The following PIP5K1C variants were observed in gnomAD, a reference collection of about 807,000 sequenced individuals.
The protein encoded by PIP5K1C is phosphatidylinositol 4-phosphate 5-kinase type-1 gamma.
A neutral mutation model predicts 80.1 loss-of-function variants in PIP5K1C; 45 were observed. That is an observed-to-expected ratio of 0.56 (90% CI 0.44 to 0.72). The LOEUF is 0.72. Among genes scored for constraint, PIP5K1C ranks in the 30% least tolerant of loss-of-function variants. PIP5K1C has a pLI of 0.00. For missense variants in PIP5K1C, 753 were observed against 954.6 expected (o/e 0.79, Z 2.78); for synonymous variants, 498 against 420.1 (o/e 1.19, Z -2.27).
intron 13 of PIP5K1C, 67 bp downstream of exon 13, chr19:3,643,176 C>A: frequency 6.2e-7 from 1 of 1,603,980 alleles, no homozygotes; most frequent in Non-Finnish European, 8.5e-7. Flanking sequence ...CGCCCACATG[C>A]AGTGAATGCC....
At chr19:3,641,862 T>G in intron 14 of PIP5K1C, 53 bp from the exon 15 acceptor site, 9 of 1,444,594 alleles carry the variant, frequency 6.2e-6, no homozygotes, top group Non-Finnish European at 8.6e-6. Context: ...TCCCCCATCC[T>G]ACCCCCAGGA....
At chr19:3,677,514 C>T (rs535553942) in intron 1 of PIP5K1C, among the ~76,000 whole-genome samples, 235 of 150,508 alleles carry the variant, frequency 1.6e-3, no homozygotes, top group Non-Finnish European at 2.7e-3. Flanking sequence ...ACCTGGGAGG[C>T]GGAGGTTGCA....
At chr19:3,636,138 C>G (rs1186484576) in intron 16 of PIP5K1C, among the ~76,000 whole-genome samples, 1 of 152,040 alleles carries the variant, frequency 6.6e-6, no homozygotes, top group Non-Finnish European at 1.5e-5. Flanking sequence ...GCCTGGGCGA[C>G]AGAGCAAGAC....
At chr19:3,685,519 A>G (rs1460863313) in intron 1 of PIP5K1C, among the ~76,000 whole-genome samples, 5 of 152,086 alleles carry the variant, frequency 3.3e-5, no homozygotes, top group Non-Finnish European at 7.4e-5. Flanking sequence ...TCACGAGGTC[A>G]GGAGATCGAG....
Position 3,642,889 on chromosome 19 carries a change from A to T in PIP5K1C, c.1682+18T>A, listed in dbSNP as rs1189662481. 1.2e-6 allele frequency: 2 copies of T among 1,609,004 alleles called. No homozygotes were observed. The highest frequency in any genetic ancestry group is 1.7e-6 in the Non-Finnish European group (2 of 1,176,124). ...AGGAGCTGGTGAGACCCAGGGAAGG[A>T]AGGGGGTTGGGTCTCACCTGCCATC... is the stretch of plus-strand genomic sequence containing the variant. On this transcript the variant is annotated intron_variant, in intron 14 of 17. Coordinates refer to ENST00000335312, the MANE Select transcript of PIP5K1C (RefSeq NM_012398.3).
intron 16 of PIP5K1C, among the ~76,000 whole-genome samples, chr19:3,635,285 G>A (rs921040124): frequency 1.3e-5 from 2 of 152,250 alleles, no homozygotes; most frequent in Non-Finnish European, 2.9e-5. Flanking sequence ...AGGAGCTCAC[G>A]CCTGTCATCC....
intron 7 of PIP5K1C, 99 bp from the exon 8 acceptor site, chr19:3,652,130 G>T (rs2034475184): frequency 1.8e-6 from 2 of 1,118,384 alleles, no homozygotes; most frequent in Non-Finnish European, 2.7e-6. Context: ...ATGGCCCCGT[G>T]GGCTCGGGTG....
intron 1 of PIP5K1C, among the ~76,000 whole-genome samples, chr19:3,680,198 T>TCATC (rs374893774): frequency 2.0e-4 from 31 of 152,250 alleles, no homozygotes; most frequent in South Asian, 8.3e-4. Flanking sequence ...GTTCATCCGT[T>TCATC]CATCCATCCA....
Position 3,643,251 on chromosome 19 carries a change from C to G in PIP5K1C, c.1641G>C (p.Pro547=). The G allele has an allele frequency of 6.2e-7, 1 of 1,613,508 alleles. No individual in the cohort carries two copies. Among genetic ancestry groups the G allele is most frequent in the Admixed American group, 1.7e-5 (1 of 60,026 alleles). Residue 547 remains proline (P), a synonymous_variant, in exon 13 of 18, where the codon CCG becomes CCC. Coordinates refer to ENST00000335312, the MANE Select transcript of PIP5K1C (RefSeq NM_012398.3). ...ERSPSETSEQ[P]RYRRRTQSSG... ...GCGGATGCCTCGCCCACCTGTACCGCGGCTGCTCCGACGTCTCCGAGGGGG... is the reference window on the plus strand; with the variant it reads ...GCGGATGCCTCGCCCACCTGTACCGGGGCTGCTCCGACGTCTCCGAGGGGG...
chr19:3,689,231 A>G (rs1226393992), intron 1 of PIP5K1C, among the ~76,000 whole-genome samples: 3 of 152,142 alleles, frequency 2.0e-5, no homozygotes, highest in African/African-American at 7.2e-5. Context: ...ACATACAACA[A>G]GGTCACGTAT....
intron 1 of PIP5K1C, among the ~76,000 whole-genome samples, chr19:3,673,380 A>G (rs924488146): frequency 2.6e-5 from 4 of 152,042 alleles, no homozygotes; most frequent in African/African-American, 9.7e-5. Flanking sequence ...CACCTGATAC[A>G]TGGCTGTTGT....
At chr19:3,656,371 A>T (rs1015914996) in intron 6 of PIP5K1C, 34 bp downstream of exon 6, 3 of 1,611,728 alleles carry the variant, frequency 1.9e-6, no homozygotes, top group Non-Finnish European at 2.5e-6. Context: ...GGGTTGACCG[A>T]GGAGCCATCT....
chr19:3,667,233 C>T (rs1393368212), intron 2 of PIP5K1C, 89 bp downstream of exon 2: 18 of 1,185,446 alleles, frequency 1.5e-5, no homozygotes, highest in Non-Finnish European at 1.7e-5. Flanking sequence ...GTGTAGTGAG[C>T]TGCCCCAGGC....
intron 1 of PIP5K1C, among the ~76,000 whole-genome samples, chr19:3,684,159 C>T (rs946444436): frequency 2.0e-5 from 3 of 152,160 alleles, no homozygotes; most frequent in Admixed American, 1.3e-4. Context: ...AAAATAAAGA[C>T]GGAACGATAA....
chr19:3,661,479 C>T (rs1600005422), intron 4 of PIP5K1C, among the ~76,000 whole-genome samples: 1 of 152,152 alleles, frequency 6.6e-6, no homozygotes, highest in Admixed American at 6.5e-5. Flanking sequence ...GGAATGCAGC[C>T]GTGATGGCAG....
At chr19:3,686,387 T>G (rs2035759420) in intron 1 of PIP5K1C, among the ~76,000 whole-genome samples, 1 of 151,400 alleles carries the variant, frequency 6.6e-6, no homozygotes, top group Admixed American at 6.6e-5. Flanking sequence ...GCCACTGCAC[T>G]CCAGCCTGGG....
chr19:3,648,697 A>T lies in PIP5K1C; in HGVS notation c.1139T>A (p.Ile380Asn). The change falls in exon 9 of 18, where the codon ATC (isoleucine) becomes AAC (asparagine). Residue 380 changes from isoleucine (I) to asparagine (N), a missense_variant. Ile to Asn is a moderately radical substitution (Grantham distance 149). Coordinates refer to ENST00000335312, the MANE Select transcript of PIP5K1C (RefSeq NM_012398.3). The surrounding 1 kb of genome is among the most constrained non-coding windows in gnomAD (Gnocchi z 4.3). ...CTCCCCGCGGCCGTTCACAGCGGGG[A>T]TCCCGCCCATCCTGGGGAGAGAGGC... The part of the protein sequence containing the change: ...AIESDDTMGG[I>N]PAVNGRGERL... 1 of 1,612,876 alleles carries T rather than the reference A, an allele frequency of 6.2e-7. No homozygotes were observed. Among genetic ancestry groups the T allele is most frequent in the Non-Finnish European group, 8.5e-7 (1 of 1,179,826 alleles).
chr19:3,645,712 G>A (rs2034185432), intron 11 of PIP5K1C, among the ~76,000 whole-genome samples: 1 of 152,264 alleles, frequency 6.6e-6, no homozygotes, highest in South Asian at 2.1e-4. Flanking sequence ...GCAGGTGCCT[G>A]CTCAAGGCCA....
intron 16 of PIP5K1C, chr19:3,636,353 G>A: frequency 9.2e-6 from 9 of 979,912 alleles, no homozygotes; most frequent in African/African-American, 1.7e-5. Flanking sequence ...CAGGCCTTGG[G>A]GTGCTTTCAA....
Sources: allele counts gnomAD v4.1 joint callset (sites outside exome capture counted in the v4.1 genomes callset), GRCh38; gene constraint gnomAD v4.1.1; non-coding constraint Gnocchi (gnomAD v3.1); transcripts MANE v1.5; gene names NCBI Gene and HGNC (gene_info 2026-07-23, HGNC 2026-07-21).